Variants in SNX13 observed in about 807,000 individuals in gnomAD.
The protein encoded by SNX13 is sorting nexin-13.
In SNX13, 45 loss-of-function variants were observed where a neutral mutation model predicts 133.6. The observed-to-expected ratio is 0.34, with a 90% CI of 0.27 to 0.43. SNX13 has a LOEUF of 0.43. Among genes scored for constraint, SNX13 ranks in the 20% least tolerant of loss-of-function variants. SNX13 has a pLI of 1.00. For missense variants in SNX13, 1,032 were observed against 1,145.1 expected (o/e 0.90, Z 1.43); for synonymous variants, 414 against 373.9 (o/e 1.11, Z -1.24).
At chr7:17,868,832 T>G (rs1470708415) in intron 8 of SNX13, among the ~76,000 whole-genome samples, 1 of 151,998 alleles carries the variant, frequency 6.6e-6, no homozygotes, top group Non-Finnish European at 1.5e-5. Context: ...TTATTAAAAC[T>G]ATAGAAACAG....
chr7:17,886,497 T>C (rs1453355938), intron 5 of SNX13, among the ~76,000 whole-genome samples: 1 of 151,622 alleles, frequency 6.6e-6, no homozygotes, highest in Non-Finnish European at 1.5e-5. Context: ...GAACCTGGGA[T>C]GCAGAGGTTG....
intron 4 of SNX13, 40 bp downstream of exon 4, chr7:17,891,506 C>G (rs371357641): frequency 6.9e-7 from 1 of 1,444,796 alleles, no homozygotes; most frequent in Non-Finnish European, 9.7e-7. Flanking sequence ...ATACCTAGAA[C>G]ACAATATATA....
chr7:17,893,955 G>C (rs1796924672), intron 2 of SNX13, among the ~76,000 whole-genome samples: 1 of 139,996 alleles, frequency 7.1e-6, no homozygotes, highest in Non-Finnish European at 1.5e-5. Context: ...CTGGGTGACA[G>C]ATCAAGACTG....
At chr7:17,928,798 C>T (rs1226155106) in intron 1 of SNX13, among the ~76,000 whole-genome samples, 1 of 152,090 alleles carries the variant, frequency 6.6e-6, no homozygotes, top group African/African-American at 2.4e-5. Flanking sequence ...GAAAATACTA[C>T]AAGATTCTTT....
At chr7:17,851,532 T>C (rs1362180685) in intron 9 of SNX13, among the ~76,000 whole-genome samples, 1 of 152,184 alleles carries the variant, frequency 6.6e-6, no homozygotes, top group South Asian at 2.1e-4. Context: ...AAGTGTTTTA[T>C]AGAATGTTTT....
intron 9 of SNX13, among the ~76,000 whole-genome samples, chr7:17,867,435 T>G (rs1024525809): frequency 6.6e-6 from 1 of 151,822 alleles, no homozygotes. Context: ...AGCAAAACCA[T>G]GTCTCTACCA....
At chr7:17,854,319 A>G (rs1791619122) in intron 9 of SNX13, among the ~76,000 whole-genome samples, 1 of 152,238 alleles carries the variant, frequency 6.6e-6, no homozygotes, top group African/African-American at 2.4e-5. Flanking sequence ...GACAACTTAA[A>G]GAGGACACTA....
intron 9 of SNX13, among the ~76,000 whole-genome samples, chr7:17,856,883 C>A (rs1166145483): frequency 1.3e-5 from 2 of 149,680 alleles, no homozygotes; most frequent in African/African-American, 4.9e-5. Flanking sequence ...CAAACCAAAC[C>A]CCAAATTAAG....
chr7:17,822,185 C>T (rs1456136046), intron 17 of SNX13, among the ~76,000 whole-genome samples: 4 of 151,764 alleles, frequency 2.6e-5, no homozygotes, highest in South Asian at 2.1e-4. Context: ...TTCACAAGTG[C>T]GGTTTATTCT....
chr7:17,884,150 T>C (rs902654086), intron 5 of SNX13, among the ~76,000 whole-genome samples: 1 of 152,178 alleles, frequency 6.6e-6, no homozygotes, highest in Non-Finnish European at 1.5e-5. Context: ...ATCACAACTA[T>C]ACAAAGTAGC....
chr7:17,876,805 A>G (rs1794777418), intron 5 of SNX13, among the ~76,000 whole-genome samples: 1 of 152,078 alleles, frequency 6.6e-6, no homozygotes, highest in African/African-American at 2.4e-5. Context: ...GATAACTCAA[A>G]AACAATTTAT....
At chr7:17,824,555 C>G (rs1431811235) in intron 17 of SNX13, among the ~76,000 whole-genome samples, 1 of 151,794 alleles carries the variant, frequency 6.6e-6, no homozygotes, top group Admixed American at 6.6e-5. Flanking sequence ...GCCCATCTCA[C>G]AGGTAAGGAA....
intron 9 of SNX13, among the ~76,000 whole-genome samples, chr7:17,864,831 AGG>A (rs1793177152): frequency 3.3e-5 from 1 of 30,310 alleles, no homozygotes; most frequent in African/African-American, 1.9e-4. Flanking sequence ...GAAGAGGAAG[AGG>A]AGGAGGAGGA....
chr7:17,801,643 G>C lies in SNX13; in HGVS notation c.2243C>G (p.Pro748Arg), dbSNP rs968146272. ...QSFFKVPPLI[P>R]KTDSDPEHRR... ...ATGTTCAGGGTCTGAATCAGTCTTA[G>C]GAATTAAAGGAGGCACCTAAAAATA... Residue 748 changes from proline to arginine, a missense_variant, in exon 22 of 26, where the codon CCT becomes CGT. By Grantham distance (103) the Pro-to-Arg change is moderately radical (BLOSUM62 -2). Transcript: ENST00000428135. 10 of 1,607,482 alleles carry C rather than the reference G, an allele frequency of 6.2e-6. No homozygotes were observed. Among genetic ancestry groups the C allele is most frequent in the Non-Finnish European group, 8.5e-6 (10 of 1,177,136 alleles).
chr7:17,891,280 T>A (rs1216591337), intron 4 of SNX13, among the ~76,000 whole-genome samples: 2 of 152,008 alleles, frequency 1.3e-5, no homozygotes, highest in Admixed American at 6.6e-5. Flanking sequence ...ACACTTTAAC[T>A]GTAAAATTTT....
intron 17 of SNX13, among the ~76,000 whole-genome samples, chr7:17,821,916 T>C (rs1787340998): frequency 6.6e-6 from 1 of 152,158 alleles, no homozygotes; most frequent in Admixed American, 6.6e-5. Context: ...CACAAAGCGG[T>C]ACCTATTACA....
intron 1 of SNX13, among the ~76,000 whole-genome samples, chr7:17,936,702 A>C (rs527306424): frequency 1.3e-5 from 2 of 152,202 alleles, no homozygotes; most frequent in Non-Finnish European, 2.9e-5. Flanking sequence ...TTTGATAAAA[A>C]TTCACTGATA....
intron 5 of SNX13, 42 bp downstream of exon 5, chr7:17,890,321 A>T: frequency 1.9e-6 from 3 of 1,588,114 alleles, no homozygotes; most frequent in Non-Finnish European, 2.6e-6. Context: ...TACAAACCAT[A>T]CATCTAAATT....
intron 7 of SNX13, among the ~76,000 whole-genome samples, chr7:17,874,044 A>C (rs1794414640): frequency 6.6e-6 from 1 of 152,192 alleles, no homozygotes; most frequent in Non-Finnish European, 1.5e-5. Flanking sequence ...AAAGGAAAAA[A>C]AGAGTATGCT....
Sources: gnomAD v4.1 joint callset for allele counts (sites outside exome capture counted in the v4.1 genomes callset) on GRCh38, gnomAD v4.1.1 for gene constraint, MANE v1.5 for transcripts, NCBI Gene and HGNC (gene_info 2026-07-23, HGNC 2026-07-21) for gene names.